The following UEVLD variants were observed in gnomAD, a reference collection of about 807,000 sequenced individuals.
The protein encoded by UEVLD is UEV and lactate/malate dehyrogenase domains, also known as ubiquitin-conjugating enzyme E2 variant 3.
A neutral mutation model predicts 58.6 loss-of-function variants in UEVLD; 47 were observed. The observed-to-expected ratio is 0.80, with a 90% CI of 0.63 to 1.02. The LOEUF (loss-of-function observed/expected upper bound fraction) is 1.02, where lower values mean the gene tolerates loss of function less well. Among genes scored for constraint, UEVLD ranks in the 50% least tolerant of loss-of-function variants. The probability of loss-of-function intolerance (pLI) is 0.00; values close to 1 mark genes in which losing one functional copy is unlikely to be tolerated. For synonymous variants in UEVLD, 197 were observed against 195.3 expected, an observed-to-expected ratio of 1.01 and a Z score of -0.07; for missense variants, 510 against 550.6, an observed-to-expected ratio of 0.93 and a Z score of 0.74.
At chr11:18,535,482 T>C (rs1291711951) in intron 10 of UEVLD, among the ~76,000 whole-genome samples, 3 of 152,240 alleles carry the variant, frequency 2.0e-5, no homozygotes, top group African/African-American at 7.2e-5. Context: ...AATTATACCA[T>C]ACACTAATCT....
At chr11:18,539,392 A>C (rs2133962419) in intron 9 of UEVLD, among the ~76,000 whole-genome samples, 1 of 152,286 alleles carries the variant, frequency 6.6e-6, no homozygotes, top group East Asian at 1.9e-4. Context: ...AGAAAAAAAC[A>C]CAAAACCATG....
intron 3 of UEVLD, among the ~76,000 whole-genome samples, chr11:18,573,214 C>T (rs1470948653): frequency 6.6e-6 from 1 of 152,146 alleles, no homozygotes; most frequent in Non-Finnish European, 1.5e-5. Flanking sequence ...CATGTTACCG[C>T]CCTACTCTGT....
chr11:18,558,120 T>C (rs1305494802), intron 7 of UEVLD, 108 bp downstream of exon 7: 2 of 685,736 alleles, frequency 2.9e-6, no homozygotes, highest in East Asian at 2.8e-5. Flanking sequence ...ATATGTAAAA[T>C]GAGAGACTTG....
rs1410270185 is a variant in UEVLD at position 18,560,134 on chromosome 11, CACACAGAGAG to C, written c.613-1814_613-1805del. Among the ~76,000 whole-genome samples the C allele has an allele frequency of 1.3e-3, 114 of 88,866 alleles. 4 individuals are homozygous for C. The East Asian group carries it at 0.044, about 34-fold the overall frequency. The allele number at this position is 88,866 out of a possible 152,430, so 58.3% of individuals were successfully genotyped here. On this transcript the variant is annotated intron_variant, in intron 6 of 11. Coordinates refer to ENST00000396197, the MANE Select transcript of UEVLD (RefSeq NM_001040697.4). Reference sequence around the variant, plus strand: ...ACACACACACACACACACACACACACACACAGAGAGAGAAAGAAAATAACCCTGCTACACT... The same window carrying C: ...ACACACACACACACACACACACACACAGAAAGAAAATAACCCTGCTACACT...
chr11:18,548,808 C>A (rs540966119), intron 7 of UEVLD, among the ~76,000 whole-genome samples: 1 of 152,298 alleles, frequency 6.6e-6, no homozygotes, highest in South Asian at 2.1e-4. Flanking sequence ...ATTTTACTTC[C>A]TATTCTGATA....
In UEVLD at chr11:18,530,038, C is replaced by A. The variant is rs774137827; in HGVS notation, c.*2282G>T. Reference sequence around the variant, plus strand: ...TAAACATTTGTTGTATTGACATGTTCCTTTTATAATTAATGTAATGATTTC... The same window carrying A: ...TAAACATTTGTTGTATTGACATGTTACTTTTATAATTAATGTAATGATTTC... On this transcript the variant is annotated 3_prime_UTR_variant, in exon 12 of 12. Coordinates refer to ENST00000396197, the MANE Select transcript of UEVLD (RefSeq NM_001040697.4). 2.2e-4 allele frequency: 33 copies of A among 152,042 alleles called. No homozygotes were observed. The highest frequency in any genetic ancestry group is 3.1e-4 in the African/African-American group (13 of 41,408). 9.4% of individuals were successfully genotyped at this position (152,042 alleles called of 1,614,324 possible).
At chr11:18,544,945 CATATATATACT>C (rs1851229013) in intron 8 of UEVLD, 149 bp from the exon 9 acceptor site, 1 of 448,450 alleles carries the variant, frequency 2.2e-6, no homozygotes, top group South Asian at 3.8e-5. Context: ...CACATATATA[CATATATATACT>C]ATATATATAC....
At chr11:18,547,243 T>C (rs1590324417) in intron 7 of UEVLD, among the ~76,000 whole-genome samples, 193 bp from the exon 8 acceptor site, 1 of 152,120 alleles carries the variant, frequency 6.6e-6, no homozygotes, top group African/African-American at 2.4e-5. Context: ...GAGTAAGTGT[T>C]GACTGGGTGT....
chr11:18,573,084 G>A (rs1420058511), intron 3 of UEVLD, among the ~76,000 whole-genome samples: 2 of 152,142 alleles, frequency 1.3e-5, no homozygotes, highest in African/African-American at 4.8e-5. Flanking sequence ...AAAAAGGTGG[G>A]GGGAGCACCT....
intron 5 of UEVLD, among the ~76,000 whole-genome samples, chr11:18,565,921 T>C (rs1217354918): frequency 1.3e-4 from 19 of 142,478 alleles, no homozygotes; most frequent in African/African-American, 4.8e-4. Context: ...TTTTTTGAGA[T>C]GGAGTCTTGC....
intron 7 of UEVLD, among the ~76,000 whole-genome samples, chr11:18,552,720 G>C (rs1339801753): frequency 6.6e-6 from 1 of 151,760 alleles, no homozygotes. Context: ...AATTAGCCAG[G>C]TGTGGTGGCA....
chr11:18,548,381 A>G lies in UEVLD; in HGVS notation c.716-1331T>C, dbSNP rs548407897. Among the ~76,000 whole-genome samples the G allele has an allele frequency of 2.6e-5, 4 of 152,294 alleles. No individual in the cohort carries two copies. The East Asian group carries it at 5.8e-4, about 22-fold the overall frequency. The stretch of plus-strand genomic sequence containing the variant: ...ATGAATATTAGCCTCCCAGGGAGAC[A>G]GTAGACTCCATGGTTTATATTCCTA... On this transcript the variant is annotated intron_variant, in intron 7 of 11. Coordinates refer to ENST00000396197, the MANE Select transcript of UEVLD (RefSeq NM_001040697.4).
At chr11:18,553,234 G>C (rs2133992283) in intron 7 of UEVLD, among the ~76,000 whole-genome samples, 1 of 150,578 alleles carries the variant, frequency 6.6e-6, no homozygotes, top group Non-Finnish European at 1.5e-5. Context: ...GCTGAGGCAG[G>C]AGAATAGCCT....
intron 3 of UEVLD, among the ~76,000 whole-genome samples, chr11:18,573,495 G>A (rs1407774062): frequency 6.6e-6 from 1 of 152,122 alleles, no homozygotes; most frequent in Non-Finnish European, 1.5e-5. Context: ...TACACAGCCA[G>A]GAAACAGTCT....
intron 9 of UEVLD, 22 bp downstream of exon 9, chr11:18,544,601 A>T: frequency 1.3e-6 from 2 of 1,577,136 alleles, no homozygotes; most frequent in Non-Finnish European, 1.7e-6. Context: ...CACCACACCC[A>T]GCCTAAAAAC....
chr11:18,586,830 C>T (rs1039322375), intron 1 of UEVLD, among the ~76,000 whole-genome samples: 2 of 151,912 alleles, frequency 1.3e-5, no homozygotes, highest in African/African-American at 4.8e-5. Flanking sequence ...AATAAGCTAC[C>T]CCAGCCTGGC....
Position 18,588,621 on chromosome 11 carries a change from G to C in UEVLD, c.34C>G (p.Leu12Val). 6.2e-7 allele frequency: 1 copy of C among 1,610,308 alleles called. No homozygotes were observed. The highest frequency in any genetic ancestry group is 8.5e-7 in the Non-Finnish European group (1 of 1,179,860). ...CAGCGGACTGCCCGCACCTTGCCAA[G>C]CAGCCGTCTCAGGCCCTCGCAGTCG... ...EFDCEGLRRL[L>V]GKYKFRDLTV... The change falls in exon 1 of 12, where the codon CTT becomes GTT. Residue 12 changes from leucine (L) to valine (V), a missense_variant. Coordinates refer to ENST00000396197, the MANE Select transcript of UEVLD (RefSeq NM_001040697.4).
At chr11:18,577,911 T>C (rs1438030745) in intron 2 of UEVLD, among the ~76,000 whole-genome samples, 3 of 147,694 alleles carry the variant, frequency 2.0e-5, no homozygotes, top group African/African-American at 7.4e-5. Context: ...GATAATAAAG[T>C]AAAATATTTC....
chr11:18,561,649 C>A (rs2134013071), intron 6 of UEVLD, among the ~76,000 whole-genome samples: 1 of 152,230 alleles, frequency 6.6e-6, no homozygotes, highest in African/African-American at 2.4e-5. Context: ...CAAGACCAGC[C>A]TGGCCAACAT....
Sources: gnomAD v4.1 joint callset for allele counts (sites outside exome capture counted in the v4.1 genomes callset) on GRCh38, gnomAD v4.1.1 for gene constraint, MANE v1.5 for transcripts, NCBI Gene and HGNC (gene_info 2026-07-23, HGNC 2026-07-21) for gene names.